ZNF423: variants seen among roughly 807,000 people sequenced by gnomAD.
The protein encoded by ZNF423 is Ebf-associated zinc finger protein.
ZNF423 carries 12 observed loss-of-function variants against 95.8 expected under a neutral mutation model. The observed-to-expected ratio is 0.13, with a 90% CI of 0.08 to 0.20. ZNF423 has a LOEUF of 0.20. ZNF423 is among the 10% of genes least tolerant of loss of function. The pLI is 1.00. For synonymous variants in ZNF423, 749 were observed against 711.9 expected, an observed-to-expected ratio of 1.05 and a Z score of -0.83; for missense variants, 1,316 against 1,737.1, an observed-to-expected ratio of 0.76 and a Z score of 4.31.
At chr16:49,774,588 G>A (rs1310823945) in intron 2 of ZNF423, among the ~76,000 whole-genome samples, 3 of 152,160 alleles carry the variant, frequency 2.0e-5, no homozygotes, top group Non-Finnish European at 4.4e-5. Context: ...TTCCCTAACT[G>A]CACCCCTGTT....
Position 49,638,371 on chromosome 16 carries a change from C to G in ZNF423, c.805G>C (p.Asp269His), listed in dbSNP as rs569889555. ...TCGCAGTAGTCGCACATGAAGTCGT[C>G]CTTCTTGGCTTCCTTCTCCGACTTG... is the stretch of plus-strand genomic sequence containing the variant. The part of the protein sequence containing the change: ...LAKSEKEAKK[D>H]DFMCDYCEDT... Residue 269 changes from aspartate to histidine, a missense_variant, in exon 4 of 8, where the codon GAC becomes CAC. Coordinates refer to ENST00000563137, the MANE Select transcript of ZNF423 (RefSeq NM_001379286.1). The surrounding 1 kb of genome is among the most constrained non-coding windows in gnomAD (Gnocchi z 5.6). 2 of 1,613,958 alleles carry G rather than the reference C, an allele frequency of 1.2e-6. No homozygotes were observed. The highest frequency in any genetic ancestry group is 2.7e-5 in the African/African-American group (2 of 74,934).
intron 3 of ZNF423, among the ~76,000 whole-genome samples, chr16:49,688,221 T>C (rs947648502): frequency 1.3e-5 from 2 of 152,154 alleles, no homozygotes; most frequent in East Asian, 1.9e-4. Context: ...CGAGCTTAAG[T>C]AGAAGCTGGA....
intron 5 of ZNF423, among the ~76,000 whole-genome samples, chr16:49,615,174 G>A (rs1357929084): frequency 7.2e-6 from 1 of 139,044 alleles, no homozygotes; most frequent in Non-Finnish European, 1.5e-5. Flanking sequence ...ACGGGGCAGG[G>A]GGGTAATGAG....
chr16:49,499,118 T>G (rs9928480), intron 7 of ZNF423, among the ~76,000 whole-genome samples: 67,631 of 152,068 alleles, frequency 0.44, 15,916 homozygotes, highest in African/African-American at 0.61. Context: ...TTTACGCAGA[T>G]GGCAGGGCAA....
chr16:49,709,168 T>TTTTTTATATATACA lies in ZNF423; in HGVS notation c.301+21602_301+21603insTGTATATATAAAAA, dbSNP rs68002485. ...AAAAACTCAAACGTTCAGCAGCCGT[T>TTTTTTATATATACA]TATATATATATATATGAAAACGGAG... On this transcript the variant is annotated intron_variant, in intron 3 of 7. Transcript: ENST00000563137. Among the ~76,000 whole-genome samples the TTTTTTATATATACA allele has an allele frequency of 7.5e-5, 7 of 93,420 alleles. 1 individual carries two copies. The East Asian group carries it at 1.9e-3, about 25-fold the overall frequency. The allele number at this position is 93,420 out of a possible 152,430, so 61.3% of individuals were successfully genotyped here.
intron 3 of ZNF423, among the ~76,000 whole-genome samples, chr16:49,704,657 A>AG (rs2032295853): frequency 6.6e-6 from 1 of 152,182 alleles, no homozygotes; most frequent in African/African-American, 2.4e-5. Flanking sequence ...AGGCTCCAGT[A>AG]GATCTGGAGG....
At position 49,551,129 on chromosome 16, in the gene ZNF423, G is replaced by A. The variant is rs574068472; in HGVS notation, c.3602-25635C>T. Among the ~76,000 whole-genome samples, 3 of 152,352 alleles carry A rather than the reference G, an allele frequency of 2.0e-5. No homozygotes were observed. The South Asian group carries it at 6.2e-4, about 32-fold the overall frequency. Reference sequence around the variant, plus strand: ...TGGGCCCCCCACGGAAGGCCCTCAAGCTGGGACACTGGGAGGGATGTGTGT... The same window carrying A: ...TGGGCCCCCCACGGAAGGCCCTCAAACTGGGACACTGGGAGGGATGTGTGT... On this transcript the variant is annotated intron_variant, in intron 5 of 7. Transcript: ENST00000563137.
At chr16:49,618,765 C>T (rs574764580) in intron 5 of ZNF423, among the ~76,000 whole-genome samples, 1 of 152,348 alleles carries the variant, frequency 6.6e-6, no homozygotes, top group African/African-American at 2.4e-5. Flanking sequence ...CTTCCTCTGG[C>T]ATGGTATCAT....
chr16:49,556,113 C>T (rs147635967), intron 5 of ZNF423, among the ~76,000 whole-genome samples: 51 of 152,328 alleles, frequency 3.3e-4, no homozygotes, highest in African/African-American at 1.2e-3. Flanking sequence ...CACAAGATCA[C>T]TGGTCTCTTC....
At chr16:49,498,630 G>A (rs538177344) in intron 7 of ZNF423, among the ~76,000 whole-genome samples, 6 of 152,246 alleles carry the variant, frequency 3.9e-5, no homozygotes, top group East Asian at 3.9e-4. Flanking sequence ...GGGCCTTCTC[G>A]CCCATCATTT....
upstream of ZNF423, chr16:49,856,166 C>A (rs1328814149): frequency 7.9e-6 from 1 of 126,584 alleles, no homozygotes; most frequent in Admixed American, 7.8e-5. Context: ...CTCCTCCCAA[C>A]CCCCCGCCGG....
intron 7 of ZNF423, among the ~76,000 whole-genome samples, chr16:49,510,703 A>G (rs1275611597): frequency 6.6e-6 from 1 of 152,144 alleles, no homozygotes; most frequent in African/African-American, 2.4e-5. Context: ...TCTTTGTCTG[A>G]GTCAATGCGG....
intron 3 of ZNF423, among the ~76,000 whole-genome samples, chr16:49,703,075 T>G (rs1415598316): frequency 6.6e-6 from 1 of 152,206 alleles, no homozygotes; most frequent in African/African-American, 2.4e-5. Context: ...CGCGCAGGCA[T>G]GCACACGCCC....
At chr16:49,632,414 C>T (rs1286486601) in intron 4 of ZNF423, among the ~76,000 whole-genome samples, 1 of 152,142 alleles carries the variant, frequency 6.6e-6, no homozygotes, top group Non-Finnish European at 1.5e-5. Context: ...CAGGTGTGCC[C>T]ACACAGGGGG....
intron 2 of ZNF423, among the ~76,000 whole-genome samples, chr16:49,735,966 C>T (rs1443785391): frequency 2.0e-5 from 3 of 152,086 alleles, no homozygotes; most frequent in African/African-American, 4.8e-5. Context: ...TGGTTTGTTA[C>T]GTAGCAATGG....
chr16:49,623,202 G>T (rs969102377), intron 5 of ZNF423, among the ~76,000 whole-genome samples: 24 of 152,146 alleles, frequency 1.6e-4, no homozygotes, highest in African/African-American at 5.8e-4. Context: ...CAACTCCCAC[G>T]TTCCTGGGCT....
In ZNF423 at chr16:49,566,899, A is replaced by G. The variant is rs532899209; in HGVS notation, c.3602-41405T>C. ...ACAGGGTAGCCTGAGCAGAAAACTC[A>G]CAGCTGATTCTCTGAGTAGGGAGAG... On this transcript the variant is annotated intron_variant, in intron 5 of 7. Transcript: ENST00000563137. 1.7e-3 allele frequency among the ~76,000 whole-genome samples: 261 copies of G among 152,146 alleles called. 1 individual carries two copies. The highest frequency in any genetic ancestry group is 3.2e-3 in the Non-Finnish European group (216 of 67,990).
At chr16:49,655,832 A>G (rs927726236) in intron 3 of ZNF423, among the ~76,000 whole-genome samples, 1 of 152,102 alleles carries the variant, frequency 6.6e-6, no homozygotes, top group African/African-American at 2.4e-5. Context: ...TCGCCCCTGA[A>G]CCCACACCAC....
At chr16:49,737,619 G>T (rs2033318160) in intron 2 of ZNF423, among the ~76,000 whole-genome samples, 1 of 152,234 alleles carries the variant, frequency 6.6e-6, no homozygotes, top group South Asian at 2.1e-4. Context: ...AAAATCACGG[G>T]GCAGGGGACA....
Sources: gnomAD v4.1 joint callset for allele counts (sites outside exome capture counted in the v4.1 genomes callset) on GRCh38, gnomAD v4.1.1 for gene constraint, Gnocchi (gnomAD v3.1) non-coding constraint, MANE v1.5 for transcripts, NCBI Gene and HGNC (gene_info 2026-07-23, HGNC 2026-07-21) for gene names.